The following STXBP2 variants were observed in gnomAD, a reference collection of about 807,000 sequenced individuals.
STXBP2 encodes syntaxin-binding protein 2.
A neutral mutation model predicts 72.2 loss-of-function variants in STXBP2; 47 were observed. The observed-to-expected ratio is 0.65, with a 90% confidence interval of 0.51 to 0.83. STXBP2 has a LOEUF of 0.83. Among genes scored for constraint, STXBP2 ranks in the 40% least tolerant of loss-of-function variants. The pLI is 0.00. For missense variants in STXBP2, 702 were observed against 807.6 expected (o/e 0.87, Z 1.58); for synonymous variants, 367 against 338.7 (o/e 1.08, Z -0.92).
At chr19:7,631,407 G>A in the STXBP2 span, 1 of 863,442 alleles carries the variant, frequency 1.2e-6, no homozygotes, top group Non-Finnish European at 1.7e-6. Flanking sequence ...GGCGGGGGGG[G>A]GTGGTCCCGG....
At position 7,646,222 on chromosome 19, in the gene STXBP2, C is replaced by T. The variant is rs972897106; in HGVS notation, c.1357-27C>T. On this transcript the variant is annotated intron_variant, in intron 15 of 18. Coordinates refer to ENST00000221283, the MANE Select transcript of STXBP2 (RefSeq NM_006949.4). ...ACCAGCCTCCTTCCCCTCAATCCCCCTGCTGCCCTCCCTGCCCTGCCTGTA... is the reference window on the plus strand; with the variant it reads ...ACCAGCCTCCTTCCCCTCAATCCCCTTGCTGCCCTCCCTGCCCTGCCTGTA... The T allele has an allele frequency of 3.2e-6, 5 of 1,573,266 alleles. No homozygotes were observed. In the African/African-American group the frequency reaches 6.7e-5, roughly 21 times the overall value.
At chr19:7,643,795 A>G (rs867457289) in intron 13 of STXBP2, among the ~76,000 whole-genome samples, 1,973 of 35,318 alleles carry the variant, frequency 0.056, no homozygotes, top group South Asian at 0.068. Context: ...TGGGACCTGG[A>G]TGAGGGGTGG....
At position 7,640,516 on chromosome 19, in the gene STXBP2, G is replaced by A. The variant is rs747849908; in HGVS notation, c.247-215G>A. On this transcript the variant is annotated intron_variant, in intron 4 of 18. Coordinates refer to ENST00000221283, the MANE Select transcript of STXBP2 (RefSeq NM_006949.4). ...TGTGTGCATCTGTGTGTGTGTGCAT[G>A]TGTGCATGCGTGTGTATGTGTGTGT... 3 of 695,880 alleles carry A rather than the reference G, an allele frequency of 4.3e-6. No homozygotes were observed. In the African/African-American group the frequency reaches 5.3e-5, roughly 12 times the overall value. The allele number at this position is 695,880 out of a possible 1,614,324, so 43.1% of individuals were successfully genotyped here.
intron 1 of STXBP2, among the ~76,000 whole-genome samples, 168 bp downstream of exon 1, chr19:7,637,354 C>T (rs544940945): frequency 1.3e-5 from 2 of 152,174 alleles, no homozygotes; most frequent in South Asian, 2.1e-4. Context: ...CCCAGCTGGA[C>T]GCCCCTGCTC....
intron 14 of STXBP2, 198 bp downstream of exon 14, chr19:7,644,950 T>C (rs1424203210): frequency 6.9e-7 from 1 of 1,449,696 alleles, no homozygotes; most frequent in Admixed American, 2.6e-5. Flanking sequence ...GGCTCCCTGC[T>C]AACGTAGAAA....
At chr19:7,640,563 T>C (rs1318568451) in intron 4 of STXBP2, 168 bp from the exon 5 acceptor site, 28 of 775,660 alleles carry the variant, frequency 3.6e-5, no homozygotes, top group East Asian at 1.1e-4. Context: ...TCTGTGTGTG[T>C]GCGCGTGTGC....
chr19:7,641,901 G>A lies in STXBP2; in HGVS notation c.578+48G>A, dbSNP rs752439898. ...CCCCGATGCCGACCCCCCCTTAACC[G>A]CGTGCAACACCTAACCTTTAACCTC... On this transcript the variant is annotated intron_variant, in intron 7 of 18. Coordinates refer to ENST00000221283, the MANE Select transcript of STXBP2 (RefSeq NM_006949.4). 48 of 1,129,782 alleles carry A rather than the reference G, an allele frequency of 4.2e-5. 1 individual carries two copies. In the East Asian group the frequency reaches 1.8e-3, roughly 43 times the overall value. The allele number at this position is 1,129,782 out of a possible 1,614,324, so 70.0% of individuals were successfully genotyped here.
upstream of STXBP2, chr19:7,633,335 A>G (rs566578222): frequency 1.0e-4 from 145 of 1,423,596 alleles, 5 homozygotes; most frequent in South Asian, 1.7e-3. Flanking sequence ...TAGGTGCCCT[A>G]CAAACTAGTC....
chr19:7,646,881 G>C, intron 16 of STXBP2: 2 of 557,292 alleles, frequency 3.6e-6, no homozygotes, highest in Non-Finnish European at 6.4e-6. Flanking sequence ...CAAGGGCCTG[G>C]AGGCCCAGAC....
the STXBP2 span, chr19:7,631,154 G>C: frequency 9.7e-7 from 1 of 1,034,676 alleles, no homozygotes; most frequent in Non-Finnish European, 1.3e-6. Flanking sequence ...GTTGCAGTGA[G>C]CCCAAGATCA....
At chr19:7,640,652 G>A (rs750252972) in intron 4 of STXBP2, 79 bp from the exon 5 acceptor site, 1 of 1,572,744 alleles carries the variant, frequency 6.4e-7, no homozygotes. Flanking sequence ...GTGGCAGATG[G>A]GGGGTGGCTG....
In STXBP2 at chr19:7,643,036, G is replaced by A; in HGVS notation, c.1014G>A (p.Lys338=). Residue 338 remains lysine (K), a synonymous_variant, in exon 12 of 19, where the codon AAG becomes AAA. Coordinates refer to ENST00000221283, the MANE Select transcript of STXBP2 (RefSeq NM_006949.4). ...TGAAAAAGATGCCGCAGTACCAGAAGGAGCTGAATAAGGTGTGCTCGGGTG... is the reference window on the plus strand; with the variant it reads ...TGAAAAAGATGCCGCAGTACCAGAAAGAGCTGAATAAGGTGTGCTCGGGTG... ...QILKKMPQYQ[K]ELNKYSTHLH... The A allele has an allele frequency of 6.2e-7, 1 of 1,614,202 alleles. No homozygotes were observed. The highest frequency in any genetic ancestry group is 8.5e-7 in the Non-Finnish European group (1 of 1,180,036).
At chr19:7,630,569 C>A in the STXBP2 span, 2 of 1,536,132 alleles carry the variant, frequency 1.3e-6, no homozygotes, top group South Asian at 2.4e-5. Context: ...CTCTGCCATT[C>A]CAGATGATAA....
At position 7,641,732 on chromosome 19, in the gene STXBP2, A is replaced by G. The variant is rs1599397007; in HGVS notation, c.457A>G (p.Thr153Ala). 6.4e-7 allele frequency: 1 copy of G among 1,553,636 alleles called. No individual in the cohort carries two copies. The highest frequency in any genetic ancestry group is 1.4e-5 in the African/African-American group (1 of 73,290). ...GTTCTCCCTCGATGCTCCCCACAGC[A>G]CCTACAACCTCTACTGCCCCTTCCG... ...QVFSLDAPHS[T>A]YNLYCPFRAE... Residue 153 changes from threonine to alanine, a missense_variant, in exon 7 of 19, where the codon ACC (threonine) becomes GCC (alanine). By Grantham distance (58) the Thr-to-Ala change is moderately conservative. Coordinates refer to ENST00000221283, the MANE Select transcript of STXBP2 (RefSeq NM_006949.4).
At chr19:7,638,580 T>A in intron 1 of STXBP2, 146 bp from the exon 2 acceptor site, 1 of 806,308 alleles carries the variant, frequency 1.2e-6, no homozygotes, top group Non-Finnish European at 2.0e-6. Context: ...TTAGCCTAGG[T>A]GACAGAGTGA....
intron 7 of STXBP2, 65 bp downstream of exon 7, chr19:7,641,918 T>C: frequency 7.7e-7 from 1 of 1,291,454 alleles, no homozygotes; most frequent in Non-Finnish European, 1.0e-6. Context: ...ACACCTAACC[T>C]TTAACCTCTC....
upstream of STXBP2, chr19:7,636,834 A>C: frequency 1.6e-4 from 48 of 309,242 alleles, no homozygotes; most frequent in Middle Eastern, 8.9e-4. Flanking sequence ...CTCCCGGGGA[A>C]GATGGAGGGA....
the STXBP2 span, chr19:7,630,734 T>C: frequency 0.35 from 538,970 of 1,531,888 alleles, 96,237 homozygotes; most frequent in Non-Finnish European, 0.37. Context: ...TGCTGGGGAC[T>C]AATGTCTGCC....
chr19:7,643,607 T>TA (rs2031985361), intron 13 of STXBP2, among the ~76,000 whole-genome samples: 3 of 145,364 alleles, frequency 2.1e-5, no homozygotes, highest in East Asian at 2.1e-4. Context: ...AATGGAGCCT[T>TA]GGAGAGGTGG....
Sources: gnomAD v4.1 joint callset for allele counts (sites outside exome capture counted in the v4.1 genomes callset) on GRCh38, gnomAD v4.1.1 for gene constraint, MANE v1.5 for transcripts, NCBI Gene and HGNC (gene_info 2026-07-23, HGNC 2026-07-21) for gene names.